Variants in FGFBP3 observed in about 807,000 individuals in gnomAD.
FGFBP3 encodes the protein fibroblast growth factor-binding protein 3.
Under a neutral mutation model 4.8 loss-of-function variants are expected in FGFBP3, and 4 were observed. The observed-to-expected ratio is 0.83, with a 90% confidence interval of 0.41 to 1.90. The LOEUF is 1.90. Among genes scored for constraint, FGFBP3 ranks in the 40% most tolerant of loss-of-function variants. The pLI, the probability that FGFBP3 is intolerant of heterozygous loss-of-function variation, is 0.03. For synonymous variants in FGFBP3, 215 were observed against 190.0 expected, an observed-to-expected ratio of 1.13 and a Z score of -1.08; for missense variants, 429 against 397.4, an observed-to-expected ratio of 1.08 and a Z score of -0.68.
chr10:91,909,336 A>C, intron 1 of FGFBP3, 62 bp downstream of exon 1: 4 of 252,240 alleles, frequency 1.6e-5, no homozygotes, highest in African/African-American at 2.3e-5. Flanking sequence ...GCAATAAACT[A>C]TCTACAAAAT....
In FGFBP3 at chr10:91,908,312, G is replaced by A; in HGVS notation, c.658C>T (p.Pro220Ser). 6.3e-7 allele frequency: 1 copy of A among 1,599,616 alleles called. No individual in the cohort carries two copies. Among genetic ancestry groups the A allele is most frequent in the African/African-American group, 1.4e-5 (1 of 73,982 alleles). Residue 220 changes from proline to serine, a missense_variant, in exon 2 of 2, where the codon CCC (proline) becomes TCC (serine). Physicochemically the swap from Pro to Ser is moderately conservative, Grantham distance 74. Transcript: ENST00000311575. Reference sequence around the variant, plus strand: ...TCGGGGTCGGGCCCGGTCCCCATGGGTCGCTCCTCGTTGGGGACCAAGGCC... The same window carrying A: ...TCGGGGTCGGGCCCGGTCCCCATGGATCGCTCCTCGTTGGGGACCAAGGCC... ...KAALVPNEERPMGTGPDPDGL... is the reference protein window; with the variant it reads ...KAALVPNEERSMGTGPDPDGL...
In FGFBP3 at chr10:91,907,355, T is replaced by A. The variant is rs1184224399; in HGVS notation, c.*838A>T. On this transcript the variant is annotated 3_prime_UTR_variant, in exon 2 of 2. Coordinates refer to ENST00000311575, the MANE Select transcript of FGFBP3 (RefSeq NM_152429.5). ...CCCTGTCTCAAAAATAAAAATAAAG[T>A]AGCACTTCTAAGCCAAGTGCAGCTG... The A allele has an allele frequency of 6.6e-6, 1 of 152,072 alleles. No individual in the cohort carries two copies. Among genetic ancestry groups the A allele is most frequent in the Non-Finnish European group, 1.5e-5 (1 of 68,038 alleles). 9.4% of individuals were successfully genotyped at this position (152,072 alleles called of 1,614,324 possible). A position where few individuals can be genotyped will look rare whatever the true frequency, so the allele number is the denominator to read the frequency against.
chr10:91,908,399 G>A lies in FGFBP3; in HGVS notation c.571C>T (p.Gln191Ter). ...GGGTTTTCTTTGGGCGGTGCGCTTT[G>A]GGGAGGCGGGGTCCCAGCGGCTGGG... is the stretch of plus-strand genomic sequence containing the variant. The part of the protein sequence containing the change: ...SGPAAGTPPP[Q>*]SAPPKENPSE... Residue 191 changes from glutamine (Q) to a stop codon, truncating the protein, a stop_gained, in exon 2 of 2, where the codon CAA becomes TAA. Transcript: ENST00000311575. LOFTEE classifies it high-confidence loss of function. 1 of 1,537,564 alleles carries A rather than the reference G, an allele frequency of 6.5e-7. No homozygotes were observed. Among genetic ancestry groups the A allele is most frequent in the East Asian group, 2.6e-5 (1 of 38,476 alleles).
In FGFBP3 at chr10:91,906,678, T is replaced by C. The variant is rs1843301275; in HGVS notation, c.*1515A>G. On this transcript the variant is annotated 3_prime_UTR_variant, in exon 2 of 2. Transcript: ENST00000311575. ...GGCTCTGCATCCACAGATTCAACAA[T>C]GGATGGGAGGAAGGTGGGGAGGAAG... 1 of 152,046 alleles carries C rather than the reference T, an allele frequency of 6.6e-6. No homozygotes were observed. Among genetic ancestry groups the C allele is most frequent in the African/African-American group, 2.4e-5 (1 of 41,372 alleles). The allele number at this position is 152,046 out of a possible 1,614,324, so 9.4% of individuals were successfully genotyped here.
chr10:91,908,074 C>A lies in FGFBP3; in HGVS notation c.*119G>T. On this transcript the variant is annotated 3_prime_UTR_variant, in exon 2 of 2. Transcript: ENST00000311575. ...CTCACCCTTACCCTTGCCCCCACCC[C>A]CATTCGAGAACCTGGACTTCTCCCC... is the stretch of plus-strand genomic sequence containing the variant. The A allele has an allele frequency of 8.5e-7, 1 of 1,183,162 alleles. No individual in the cohort carries two copies. Among genetic ancestry groups the A allele is most frequent in the South Asian group, 1.6e-5 (1 of 64,486 alleles). The allele number at this position is 1,183,162 out of a possible 1,614,324, so 73.3% of individuals were successfully genotyped here. A position where few individuals can be genotyped will look rare whatever the true frequency, so the allele number is the denominator to read the frequency against.
chr10:91,908,383 T>G lies in FGFBP3; in HGVS notation c.587A>C (p.Lys196Thr). 6.4e-7 allele frequency: 1 copy of G among 1,564,228 alleles called. No individual in the cohort carries two copies. The highest frequency in any genetic ancestry group is 1.2e-5 in the South Asian group (1 of 84,480). Residue 196 changes from lysine (K) to threonine (T), a missense_variant, in exon 2 of 2, where the codon AAA becomes ACA. Transcript: ENST00000311575. ...GGTCTTCCTCTCTGAGGGGTTTTCT[T>G]TGGGCGGTGCGCTTTGGGGAGGCGG... Reference protein sequence around the residue: ...GTPPPQSAPPKENPSERKTNE... With the variant: ...GTPPPQSAPPTENPSERKTNE...
At position 91,908,713 on chromosome 10, in the gene FGFBP3, G is replaced by A; in HGVS notation, c.257C>T (p.Ala86Val). ...LALRCQSPDG[A>V]RHQCAYRGHP... ...CCCGCGGTAGGCGCACTGGTGGCGC[G>A]CCCCGTCCGGGCTCTGGCAGCGCAG... The change falls in exon 2 of 2, where the codon GCG becomes GTG. Residue 86 changes from alanine (A) to valine (V), a missense_variant. Physicochemically the swap from Ala to Val is moderately conservative, Grantham distance 64 (BLOSUM62 0). Transcript: ENST00000311575. The A allele has an allele frequency of 7.2e-7, 1 of 1,382,166 alleles. No individual in the cohort carries two copies. Among genetic ancestry groups the A allele is most frequent in the Non-Finnish European group, 9.3e-7 (1 of 1,075,884 alleles). The allele number at this position is 1,382,166 out of a possible 1,614,324, so 85.6% of individuals were successfully genotyped here. A position where few individuals can be genotyped will look rare whatever the true frequency, so the allele number is the denominator to read the frequency against.
In FGFBP3 at chr10:91,908,860, G is replaced by A; in HGVS notation, c.110C>T (p.Ala37Val). 1.3e-6 allele frequency: 2 copies of A among 1,562,140 alleles called. No individual in the cohort carries two copies. Among genetic ancestry groups the A allele is most frequent in the East Asian group, 2.4e-5 (1 of 41,826 alleles). Reference protein sequence around the residue: ...RREKGAASNVAEPVPGPTGGS... With the variant: ...RREKGAASNVVEPVPGPTGGS... The stretch of plus-strand genomic sequence containing the variant: ...GCCAGTGGGCCCGGGGACCGGCTCC[G>A]CCACGTTGCTAGCCGCCCCTTTCTC... Residue 37 changes from alanine to valine, a missense_variant, in exon 2 of 2, where the codon GCG (alanine) becomes GTG (valine). Physicochemically the swap from Ala to Val is moderately conservative, Grantham distance 64. Coordinates refer to ENST00000311575, the MANE Select transcript of FGFBP3 (RefSeq NM_152429.5).
Position 91,907,086 on chromosome 10 carries a change from C to T in FGFBP3, c.*1107G>A, listed in dbSNP as rs1843304560. 1 of 151,884 alleles carries T rather than the reference C, an allele frequency of 6.6e-6. No homozygotes were observed. The highest frequency in any genetic ancestry group is 1.5e-5 in the Non-Finnish European group (1 of 67,980). The allele number at this position is 151,884 out of a possible 1,614,324, so 9.4% of individuals were successfully genotyped here. Reference sequence around the variant, plus strand: ...ATTTTAGCTGTTTAAAAAAAAAAATCAGATATAAAGAGAATCACTGTTTAC... The same window carrying T: ...ATTTTAGCTGTTTAAAAAAAAAAATTAGATATAAAGAGAATCACTGTTTAC... On this transcript the variant is annotated 3_prime_UTR_variant, in exon 2 of 2. Transcript: ENST00000311575.
At position 91,908,717 on chromosome 10, in the gene FGFBP3, C is replaced by T. The variant is rs1480818774; in HGVS notation, c.253G>A (p.Gly85Arg). 1.0e-5 allele frequency: 14 copies of T among 1,378,242 alleles called. No individual in the cohort carries two copies. In the East Asian group the frequency reaches 3.1e-4, roughly 30 times the overall value. 85.4% of individuals were successfully genotyped at this position (1,378,242 alleles called of 1,614,324 possible). A position where few individuals can be genotyped will look rare whatever the true frequency, so the allele number is the denominator to read the frequency against. Residue 85 changes from glycine (G) to arginine (R), a missense_variant, in exon 2 of 2, where the codon GGG becomes AGG. Transcript: ENST00000311575. ...ELALRCQSPD[G>R]ARHQCAYRGH... ...CGGTAGGCGCACTGGTGGCGCGCCC[C>T]GTCCGGGCTCTGGCAGCGCAGCGCC...
chr10:91,908,986 G>A lies in FGFBP3; in HGVS notation c.-17C>T. ...AGGAGTCATGCTCCGCGGTTTCCGC[G>A]CTCCGCTGTTCTCAGACCACGTTTG... is the stretch of plus-strand genomic sequence containing the variant. On this transcript the variant is annotated 5_prime_UTR_variant, in exon 2 of 2. Transcript: ENST00000311575. The A allele has an allele frequency of 4.5e-6, 7 of 1,560,110 alleles. No homozygotes were observed. The South Asian group carries it at 8.3e-5, about 19-fold the overall frequency.
Position 91,908,657 on chromosome 10 carries a change from G to A in FGFBP3, c.313C>T (p.Arg105Cys). 7.0e-7 allele frequency: 1 copy of A among 1,433,834 alleles called. No homozygotes were observed. Among genetic ancestry groups the A allele is most frequent in the Non-Finnish European group, 9.1e-7 (1 of 1,096,896 alleles). 88.8% of individuals were successfully genotyped at this position (1,433,834 alleles called of 1,614,324 possible). A position where few individuals can be genotyped will look rare whatever the true frequency, so the allele number is the denominator to read the frequency against. ...HPERCAAYAA[R>C]RAHFWKQVLG... ...ACCTGCTTCCAGAAGTGCGCGCGGC[G>A]AGCGGCGTAGGCTGCGCAGCGCTCC... The change falls in exon 2 of 2, where the codon CGC becomes TGC. Residue 105 changes from arginine to cysteine, a missense_variant. Arg to Cys is a radical substitution (Grantham distance 180). Coordinates refer to ENST00000311575, the MANE Select transcript of FGFBP3 (RefSeq NM_152429.5).
At chr10:91,909,305 A>C in intron 1 of FGFBP3, 93 bp downstream of exon 1, 1 of 326,384 alleles carries the variant, frequency 3.1e-6, no homozygotes, top group East Asian at 6.5e-5. Flanking sequence ...CCCTTCCTTC[A>C]TTTTCTCCCT....
chr10:91,909,178 T>C, intron 1 of FGFBP3, 131 bp from the exon 2 acceptor site: 1 of 548,002 alleles, frequency 1.8e-6, no homozygotes, highest in Non-Finnish European at 3.1e-6. Flanking sequence ...TCTGAGGAGC[T>C]TTCCTGGGGA....
In FGFBP3 at chr10:91,908,849, G is replaced by A. The variant is rs1180217567; in HGVS notation, c.121C>T (p.Pro41Ser). ...CCCGAGGAGCCGCCAGTGGGCCCGGGGACCGGCTCCGCCACGTTGCTAGCC... is the reference window on the plus strand; with the variant it reads ...CCCGAGGAGCCGCCAGTGGGCCCGGAGACCGGCTCCGCCACGTTGCTAGCC... ...GAASNVAEPV[P>S]GPTGGSSGRF... Residue 41 changes from proline to serine, a missense_variant, in exon 2 of 2, where the codon CCC (proline) becomes TCC (serine). Coordinates refer to ENST00000311575, the MANE Select transcript of FGFBP3 (RefSeq NM_152429.5). The A allele has an allele frequency of 1.1e-5, 17 of 1,548,990 alleles. No individual in the cohort carries two copies. Among genetic ancestry groups the A allele is most frequent in the Admixed American group, 1.9e-5 (1 of 52,554 alleles).
Position 91,907,325 on chromosome 10 carries a change from C to G in FGFBP3, c.*868G>C, listed in dbSNP as rs1334286948. On this transcript the variant is annotated 3_prime_UTR_variant, in exon 2 of 2. Coordinates refer to ENST00000311575, the MANE Select transcript of FGFBP3 (RefSeq NM_152429.5). Reference sequence around the variant, plus strand: ...CACCACTGCTCCAGTCTGGATGACACAAGACCCTGTCTCAAAAATAAAAAT... The same window carrying G: ...CACCACTGCTCCAGTCTGGATGACAGAAGACCCTGTCTCAAAAATAAAAAT... The G allele has an allele frequency of 6.6e-6, 1 of 152,150 alleles. No individual in the cohort carries two copies. Among genetic ancestry groups the G allele is most frequent in the Non-Finnish European group, 1.5e-5 (1 of 68,064 alleles). 9.4% of individuals were successfully genotyped at this position (152,150 alleles called of 1,614,324 possible).
In FGFBP3 at chr10:91,908,679, C is replaced by A. The variant is rs754208602; in HGVS notation, c.291G>T (p.Glu97Asp). 10 of 1,425,302 alleles carry A rather than the reference C, an allele frequency of 7.0e-6. No individual in the cohort carries two copies. In the Admixed American group the frequency reaches 2.5e-4, roughly 36 times the overall value. The allele number at this position is 1,425,302 out of a possible 1,614,324, so 88.3% of individuals were successfully genotyped here. A position where few individuals can be genotyped will look rare whatever the true frequency, so the allele number is the denominator to read the frequency against. ...RHQCAYRGHP[E>D]RCAAYAARRA... ...GGCGAGCGGCGTAGGCTGCGCAGCGCTCCGGATGCCCGCGGTAGGCGCACT... is the reference window on the plus strand; with the variant it reads ...GGCGAGCGGCGTAGGCTGCGCAGCGATCCGGATGCCCGCGGTAGGCGCACT... Residue 97 changes from glutamate (E) to aspartate (D), a missense_variant, in exon 2 of 2, where the codon GAG (glutamate) becomes GAT (aspartate). Coordinates refer to ENST00000311575, the MANE Select transcript of FGFBP3 (RefSeq NM_152429.5).
In FGFBP3 at chr10:91,908,790, G is replaced by T. The variant is rs1843323582; in HGVS notation, c.180C>A (p.Ser60Arg). The change falls in exon 2 of 2, where the codon AGC (serine) becomes AGA (arginine). Residue 60 changes from serine to arginine, a missense_variant. Ser to Arg is a moderately radical substitution (Grantham distance 110). Coordinates refer to ENST00000311575, the MANE Select transcript of FGFBP3 (RefSeq NM_152429.5). ...RFLSPEQHAC[S>R]WQLLLPAPEA... is the part of the protein sequence containing the mutation. ...CCGGGGCGGGCAGCAGGAGCTGCCA[G>T]CTGCACGCGTGCTGCTCGGGGCTGA... 2.1e-6 allele frequency: 3 copies of T among 1,432,332 alleles called. No individual in the cohort carries two copies. In the East Asian group the frequency reaches 9.1e-5, roughly 44 times the overall value. The allele number at this position is 1,432,332 out of a possible 1,614,324, so 88.7% of individuals were successfully genotyped here.
chr10:91,908,633 C>T lies in FGFBP3; in HGVS notation c.337G>A (p.Val113Met). ...CGCTTCTTGCGCAGCCCTCCCAGCA[C>T]CTGCTTCCAGAAGTGCGCGCGGCGA... Reference protein sequence around the residue: ...AARRAHFWKQVLGGLRKKRRP... With the variant: ...AARRAHFWKQMLGGLRKKRRP... The change falls in exon 2 of 2, where the codon GTG (valine) becomes ATG (methionine). Residue 113 changes from valine to methionine, a missense_variant. Physicochemically the swap from Val to Met is conservative, Grantham distance 21. Coordinates refer to ENST00000311575, the MANE Select transcript of FGFBP3 (RefSeq NM_152429.5). The T allele has an allele frequency of 6.9e-7, 1 of 1,439,374 alleles. No homozygotes were observed. The highest frequency in any genetic ancestry group is 9.1e-7 in the Non-Finnish European group (1 of 1,100,356). 89.2% of individuals were successfully genotyped at this position (1,439,374 alleles called of 1,614,324 possible).
Sources: gnomAD v4.1 joint callset for allele counts on GRCh38, gnomAD v4.1.1 for gene constraint, MANE v1.5 for transcripts, NCBI Gene and HGNC (gene_info 2026-07-23, HGNC 2026-07-21) for gene names.